CCDC81: variants seen among roughly 807,000 people sequenced by gnomAD.
CCDC81 encodes coiled-coil domain containing 81.
A neutral mutation model predicts 83.7 loss-of-function variants in CCDC81; 79 were observed. The ratio of observed to expected loss-of-function variants is 0.94; its 90% CI spans 0.79 to 1.14. The LOEUF is 1.14. CCDC81 is among the 50% of genes most tolerant of loss of function. The pLI, the probability that CCDC81 is intolerant of heterozygous loss-of-function variation, is 0.00. For missense variants in CCDC81, 791 were observed against 778.1 expected, an observed-to-expected ratio of 1.02 and a Z score of -0.20; for synonymous variants, 252 against 278.1, an observed-to-expected ratio of 0.91 and a Z score of 0.93.
intron 6 of CCDC81, among the ~76,000 whole-genome samples, chr11:86,399,099 T>C (rs572661724): frequency 6.6e-6 from 1 of 152,228 alleles, no homozygotes; most frequent in Admixed American, 6.5e-5. Context: ...CTATTGGCTG[T>C]TAAAAGTTGA....
intron 7 of CCDC81, among the ~76,000 whole-genome samples, chr11:86,405,440 C>T (rs529054338): frequency 6.6e-6 from 1 of 152,230 alleles, no homozygotes; most frequent in Admixed American, 6.5e-5. Context: ...TCAATCTAGA[C>T]TTTAATTTCA....
At position 86,395,393 on chromosome 11, in the gene CCDC81, C is replaced by G. The variant is rs201607444; in HGVS notation, c.615C>G (p.Ser205Arg). 6.2e-7 allele frequency: 1 copy of G among 1,614,000 alleles called. No individual in the cohort carries two copies. Among genetic ancestry groups the G allele is most frequent in the African/African-American group, 1.3e-5 (1 of 75,022 alleles). ...SSREALRKWP[S>R]SVLAFPRIEL... ...GAGAGGCCTTGAGGAAGTGGCCCAGCAGTGTGCTTGCGTTTCCAAGGTGAG... is the reference window on the plus strand; with the variant it reads ...GAGAGGCCTTGAGGAAGTGGCCCAGGAGTGTGCTTGCGTTTCCAAGGTGAG... Residue 205 changes from serine (S) to arginine (R), a missense_variant, in exon 5 of 15, where the codon AGC (serine) becomes AGG (arginine). By Grantham distance (110) the Ser-to-Arg change is moderately radical. Coordinates refer to ENST00000445632, the MANE Select transcript of CCDC81 (RefSeq NM_001156474.2).
intron 4 of CCDC81, among the ~76,000 whole-genome samples, chr11:86,394,593 A>G (rs1301961343): frequency 6.6e-6 from 1 of 152,248 alleles, no homozygotes; most frequent in African/African-American, 2.4e-5. Context: ...CTTGTAGGGT[A>G]GTCCCCTTGG....
At chr11:86,376,105 T>G (rs1399749310) in intron 1 of CCDC81, among the ~76,000 whole-genome samples, 1 of 152,232 alleles carries the variant, frequency 6.6e-6, no homozygotes, top group Non-Finnish European at 1.5e-5. Context: ...TGCTATATGC[T>G]GAGCACTAGT....
chr11:86,385,595 C>G (rs1948231326), intron 1 of CCDC81, among the ~76,000 whole-genome samples: 1 of 152,188 alleles, frequency 6.6e-6, no homozygotes, highest in African/African-American at 2.4e-5. Context: ...AATGTACACA[C>G]AACAGCCTTT....
At chr11:86,407,022 A>ATATC (rs1270452315) in intron 7 of CCDC81, among the ~76,000 whole-genome samples, 1 of 152,094 alleles carries the variant, frequency 6.6e-6, no homozygotes, top group African/African-American at 2.4e-5. Flanking sequence ...TTTCCATCAG[A>ATATC]TATCTACACT....
chr11:86,381,599 C>G (rs113027054), intron 1 of CCDC81, among the ~76,000 whole-genome samples: 1 of 152,254 alleles, frequency 6.6e-6, no homozygotes, highest in Non-Finnish European at 1.5e-5. Context: ...CATGTGAGTC[C>G]GTTTCAGGAA....
At chr11:86,417,236 C>CA (rs35734072) in intron 13 of CCDC81, among the ~76,000 whole-genome samples, 129,799 of 135,252 alleles carry the variant, frequency 0.96, 62,235 homozygotes, top group East Asian at 0.98. Context: ...GAGATTGCCT[C>CA]AAAAAAAAAA....
At position 86,409,285 on chromosome 11, in the gene CCDC81, C is replaced by A. The variant is rs1303052861; in HGVS notation, c.1138C>A (p.Gln380Lys). The part of the protein sequence containing the change: ...HQMKSLATRE[Q>K]NQKNAAYNLG... Reference sequence around the variant, plus strand: ...GATGAAAAGTCTGGCTACTAGAGAACAGAATCAGAAAAATGCTGCCTATAA... The same window carrying A: ...GATGAAAAGTCTGGCTACTAGAGAAAAGAATCAGAAAAATGCTGCCTATAA... Residue 380 changes from glutamine (Q) to lysine (K), a missense_variant, in exon 10 of 15, where the codon CAG becomes AAG. Transcript: ENST00000445632. The A allele has an allele frequency of 4.0e-6, 6 of 1,503,726 alleles. No homozygotes were observed. The South Asian group carries it at 4.1e-5, about 10-fold the overall frequency. The allele number at this position is 1,503,726 out of a possible 1,614,324, so 93.1% of individuals were successfully genotyped here. A position where few individuals can be genotyped will look rare whatever the true frequency, so the allele number is the denominator to read the frequency against.
intron 1 of CCDC81, among the ~76,000 whole-genome samples, chr11:86,378,699 T>C (rs991725658): frequency 1.3e-5 from 2 of 152,218 alleles, no homozygotes; most frequent in Admixed American, 6.5e-5. Flanking sequence ...TCTTGAAAGA[T>C]TGACCCCTCT....
intron 4 of CCDC81, 71 bp downstream of exon 4, chr11:86,392,868 A>T (rs949272727): frequency 7.5e-6 from 11 of 1,459,192 alleles, no homozygotes; most frequent in Non-Finnish European, 7.3e-6. Flanking sequence ...GGTGTGTTGT[A>T]ATTAAGAAAA....
chr11:86,420,783 T>C (rs1269999442), intron 14 of CCDC81, among the ~76,000 whole-genome samples: 2 of 152,256 alleles, frequency 1.3e-5, no homozygotes, highest in Non-Finnish European at 1.5e-5. Flanking sequence ...ATTTCTCACC[T>C]GTCTTTCTAA....
At chr11:86,415,413 T>C in intron 13 of CCDC81, 100 bp downstream of exon 13, 8 of 881,652 alleles carry the variant, frequency 9.1e-6, no homozygotes, top group Non-Finnish European at 1.4e-5. Context: ...ATCTTTCTCA[T>C]ACAATAGTGG....
At chr11:86,395,281 C>A in intron 4 of CCDC81, 53 bp from the exon 5 acceptor site, 1 of 1,442,586 alleles carries the variant, frequency 6.9e-7, no homozygotes, top group Non-Finnish European at 9.7e-7. Flanking sequence ...TTTAATTTGT[C>A]TGAGTCCTGG....
At chr11:86,422,543 T>C (rs750431548) in intron 14 of CCDC81, 31 bp from the exon 15 acceptor site, 2 of 1,598,290 alleles carry the variant, frequency 1.3e-6, no homozygotes, top group South Asian at 2.2e-5. Flanking sequence ...TCCAGGAACC[T>C]GCTGATCGGC....
At chr11:86,399,880 T>C (rs948142017) in intron 6 of CCDC81, among the ~76,000 whole-genome samples, 7 of 151,848 alleles carry the variant, frequency 4.6e-5, no homozygotes, top group Admixed American at 4.6e-4. Flanking sequence ...CCCAGCACTT[T>C]GGGAGGCTGA....
chr11:86,382,442 G>A (rs1363503435), intron 1 of CCDC81, among the ~76,000 whole-genome samples: 1 of 152,122 alleles, frequency 6.6e-6, no homozygotes, highest in Non-Finnish European at 1.5e-5. Flanking sequence ...TGAGTTCCTG[G>A]CTCATATAAC....
At position 86,407,702 on chromosome 11, in the gene CCDC81, G is replaced by A; in HGVS notation, c.969+1G>A. On this transcript the variant is annotated splice_donor_variant, in intron 8 of 14. Coordinates refer to ENST00000445632, the MANE Select transcript of CCDC81 (RefSeq NM_001156474.2). LOFTEE classifies it high-confidence loss of function. ...CCAGGATCATAACAAGGCAGGACAG[G>A]TACAGTGTTTCCAAACAAATAAGTC... 6.2e-7 allele frequency: 1 copy of A among 1,609,596 alleles called. No homozygotes were observed.
chr11:86,376,480 GGAGA>G (rs145037977), intron 1 of CCDC81, among the ~76,000 whole-genome samples: 3 of 151,280 alleles, frequency 2.0e-5, no homozygotes, highest in Non-Finnish European at 3.0e-5. Flanking sequence ...CATGACGGCA[GGAGA>G]GAGAGAGAGA....
Sources: gnomAD v4.1 joint callset for allele counts (sites outside exome capture counted in the v4.1 genomes callset) on GRCh38, gnomAD v4.1.1 for gene constraint, MANE v1.5 for transcripts, NCBI Gene and HGNC (gene_info 2026-07-23, HGNC 2026-07-21) for gene names.